Variants in SLC10A7 observed in about 807,000 individuals in gnomAD.
The protein encoded by SLC10A7 is solute carrier family 10 member 7, also known as sodium/bile acid cotransporter 7.
Under a neutral mutation model 43.2 loss-of-function variants are expected in SLC10A7, and 29 were observed. That is an observed-to-expected ratio of 0.67 (90% CI 0.50 to 0.92). The LOEUF (loss-of-function observed/expected upper bound fraction) is 0.92, where lower values mean the gene tolerates loss of function less well. SLC10A7 is among the 40% of genes least tolerant of loss of function. The pLI is 0.00. For synonymous variants in SLC10A7, 152 were observed against 144.8 expected, an observed-to-expected ratio of 1.05 and a Z score of -0.35; for missense variants, 295 against 403.2, an observed-to-expected ratio of 0.73 and a Z score of 2.30.
At chr4:146,411,247 A>T (rs1322611662) in intron 5 of SLC10A7, among the ~76,000 whole-genome samples, 1 of 152,148 alleles carries the variant, frequency 6.6e-6, no homozygotes, top group Non-Finnish European at 1.5e-5. Flanking sequence ...TTTTATACTC[A>T]TGTCAACCTC....
At chr4:146,464,242 C>T (rs957798505) in intron 4 of SLC10A7, among the ~76,000 whole-genome samples, 10 of 152,026 alleles carry the variant, frequency 6.6e-5, no homozygotes, top group Non-Finnish European at 1.0e-4. Flanking sequence ...AGAACACTAT[C>T]GAGAGATGTT....
intron 5 of SLC10A7, 64 bp from the exon 6 acceptor site, chr4:146,326,060 A>G: frequency 6.8e-7 from 1 of 1,468,374 alleles, no homozygotes; most frequent in African/African-American, 1.4e-5. Context: ...TTTCTTTGCC[A>G]TTTTAAACTC....
At chr4:146,312,909 T>A (rs75144007) in intron 6 of SLC10A7, among the ~76,000 whole-genome samples, 1 of 152,048 alleles carries the variant, frequency 6.6e-6, no homozygotes, top group South Asian at 2.1e-4. Context: ...AGGAAAGCTA[T>A]GAAGAATTGA....
intron 5 of SLC10A7, among the ~76,000 whole-genome samples, chr4:146,428,562 T>A (rs979501794): frequency 6.7e-6 from 1 of 149,542 alleles, no homozygotes; most frequent in Non-Finnish European, 1.5e-5. Flanking sequence ...TTTTTTTTTT[T>A]ATTTTCTAAG....
intron 6 of SLC10A7, among the ~76,000 whole-genome samples, chr4:146,320,654 T>C (rs1041237319): frequency 6.6e-6 from 1 of 152,034 alleles, no homozygotes; most frequent in African/African-American, 2.4e-5. Context: ...GACCAGGGTA[T>C]TGGAAGGACC....
intron 9 of SLC10A7, among the ~76,000 whole-genome samples, chr4:146,289,866 C>A (rs1730296701): frequency 6.7e-6 from 1 of 150,124 alleles, no homozygotes. Context: ...CAGGTGCACG[C>A]CACCACGCTG....
At chr4:146,441,646 T>G (rs1730611954) in intron 5 of SLC10A7, 1 of 961,912 alleles carries the variant, frequency 1.0e-6, no homozygotes, top group Non-Finnish European at 1.2e-6. Flanking sequence ...GAGTCTAAAC[T>G]AAGCAATCCG....
intron 2 of SLC10A7, chr4:146,514,979 G>A (rs896127760): frequency 1.5e-5 from 9 of 588,790 alleles, no homozygotes; most frequent in Middle Eastern, 2.6e-4. Flanking sequence ...GATAAAGCAC[G>A]AGATCACGGC....
intron 5 of SLC10A7, among the ~76,000 whole-genome samples, chr4:146,344,932 G>C (rs989986379): frequency 2.6e-5 from 4 of 152,112 alleles, no homozygotes; most frequent in Non-Finnish European, 4.4e-5. Context: ...ATAAACAACT[G>C]TTCTCTCTGG....
intron 6 of SLC10A7, among the ~76,000 whole-genome samples, chr4:146,322,823 T>A (rs978240538): frequency 4.6e-5 from 7 of 152,196 alleles, no homozygotes; most frequent in Admixed American, 3.9e-4. Context: ...GTTGAACTAG[T>A]TTACCATCCC....
At chr4:146,393,040 G>T (rs1166809023) in intron 5 of SLC10A7, among the ~76,000 whole-genome samples, 1 of 151,566 alleles carries the variant, frequency 6.6e-6, no homozygotes, top group Non-Finnish European at 1.5e-5. Context: ...CATTGTTCAG[G>T]TCTCAGCTTA....
intron 5 of SLC10A7, among the ~76,000 whole-genome samples, chr4:146,430,158 A>T (rs553213367): frequency 1.5e-4 from 23 of 152,122 alleles, no homozygotes; most frequent in Middle Eastern, 3.4e-3. Context: ...AACAAACAGG[A>T]GAGGGTGAAG....
At chr4:146,320,324 G>A (rs928312207) in intron 6 of SLC10A7, among the ~76,000 whole-genome samples, 1 of 151,996 alleles carries the variant, frequency 6.6e-6, no homozygotes. Flanking sequence ...TGTTGATGGT[G>A]TATGTAACAA....
At chr4:146,353,134 C>T (rs1295862851) in intron 5 of SLC10A7, among the ~76,000 whole-genome samples, 64 of 140,894 alleles carry the variant, frequency 4.5e-4, no homozygotes, top group Middle Eastern at 3.6e-3. Flanking sequence ...ATTGATAGAC[C>T]GCTAGCAAGA....
At chr4:146,458,876 C>T (rs911880484) in intron 4 of SLC10A7, among the ~76,000 whole-genome samples, 3 of 151,572 alleles carry the variant, frequency 2.0e-5, no homozygotes, top group Non-Finnish European at 4.4e-5. Context: ...AAAGTGTTAG[C>T]CATGTAATAC....
chr4:146,442,242 T>C, intron 5 of SLC10A7: 3 of 935,178 alleles, frequency 3.2e-6, no homozygotes, highest in Non-Finnish European at 3.8e-6. Flanking sequence ...AATCTTTATA[T>C]ATATATATAT....
chr4:146,285,878 AGGTGAGAAAGACTGAATTTGGAGT>A (rs1225087243), intron 9 of SLC10A7, among the ~76,000 whole-genome samples: 1 of 132,090 alleles, frequency 7.6e-6, no homozygotes, highest in Non-Finnish European at 1.6e-5. Flanking sequence ...GAACTTGGAG[AGGTGAGAAAGACTGAATTTGGAGT>A]GGTGAGAAGG....
intron 4 of SLC10A7, among the ~76,000 whole-genome samples, chr4:146,483,698 C>A (rs1191009262): frequency 2.0e-5 from 3 of 150,982 alleles, no homozygotes; most frequent in South Asian, 2.1e-4. Flanking sequence ...AAAAAAAAAC[C>A]CAGATCCAGC....
At chr4:146,382,850 C>T (rs1737728455) in intron 5 of SLC10A7, among the ~76,000 whole-genome samples, 2 of 151,952 alleles carry the variant, frequency 1.3e-5, no homozygotes, top group South Asian at 4.2e-4. Context: ...AAAACTCAAT[C>T]TTGACCCATG....
Sources: allele counts gnomAD v4.1 joint callset (sites outside exome capture counted in the v4.1 genomes callset), GRCh38; gene constraint gnomAD v4.1.1; transcripts MANE v1.5; gene names NCBI Gene and HGNC (gene_info 2026-07-23, HGNC 2026-07-21).